LRRC52: variants seen among roughly 807,000 people sequenced by gnomAD.
LRRC52 encodes leucine-rich repeat-containing protein 52.
In LRRC52, 15 loss-of-function variants were observed where a neutral mutation model predicts 14.7. That is an observed-to-expected ratio of 1.02 (90% confidence interval 0.68 to 1.58). LRRC52 has a LOEUF of 1.58. LRRC52 is among the 40% of genes most tolerant of loss of function. LRRC52 has a pLI of 0.00. For missense variants in LRRC52, 400 were observed against 387.7 expected (o/e 1.03, Z -0.27); for synonymous variants, 180 against 163.9 (o/e 1.10, Z -0.75).
At chr1:165,553,889 A>G (rs1661184151) in intron 1 of LRRC52, among the ~76,000 whole-genome samples, 1 of 152,208 alleles carries the variant, frequency 6.6e-6, no homozygotes, top group Non-Finnish European at 1.5e-5. Flanking sequence ...ATTTTCATGT[A>G]ATGTTTTCTA....
rs947521099 is a variant in LRRC52, at chr1:165,563,406, G to A, written c.623-99G>A. The A allele has an allele frequency of 6.8e-6, 7 of 1,025,710 alleles. No individual in the cohort carries two copies. In the East Asian group the frequency reaches 1.6e-4, roughly 23 times the overall value. The allele number at this position is 1,025,710 out of a possible 1,614,324, so 63.5% of individuals were successfully genotyped here. A position where few individuals can be genotyped will look rare whatever the true frequency, so the allele number is the denominator to read the frequency against. ...TGCTGGCCCACAGACCACACTTGGA[G>A]CACTGAGGGTGCAGATGGTCCCTCC... On this transcript the variant is annotated intron_variant, in intron 1 of 1. Transcript: ENST00000294818.
intron 1 of LRRC52, among the ~76,000 whole-genome samples, chr1:165,555,794 G>A (rs1314064777): frequency 6.6e-6 from 1 of 152,246 alleles, no homozygotes; most frequent in African/African-American, 2.4e-5. Flanking sequence ...TTTCTGCCTG[G>A]TGAACTGGTG....
In LRRC52 at chr1:165,544,691, T is replaced by C; in HGVS notation, c.395T>C (p.Ile132Thr). 6.2e-7 allele frequency: 1 copy of C among 1,614,070 alleles called. No individual in the cohort carries two copies. The highest frequency in any genetic ancestry group is 8.5e-7 in the Non-Finnish European group (1 of 1,180,026). ...SVLSNLVQLN[I>T]ANNPHLLSLH... is the part of the protein sequence containing the mutation. The stretch of plus-strand genomic sequence containing the variant: ...CTCAGCAACCTGGTGCAGCTGAACA[T>C]TGCCAACAACCCTCACCTGTTATCG... The change falls in exon 1 of 2, where the codon ATT (isoleucine) becomes ACT (threonine). Residue 132 changes from isoleucine (I) to threonine (T), a missense_variant. Transcript: ENST00000294818.
At position 165,544,201 on chromosome 1, in the gene LRRC52, G is replaced by A. The variant is rs923846464; in HGVS notation, c.-96G>A. 3.2e-5 allele frequency: 40 copies of A among 1,236,358 alleles called. 2 individuals carry two copies. The highest frequency in any genetic ancestry group is 4.1e-5 in the Non-Finnish European group (37 of 892,794). 76.6% of individuals were successfully genotyped at this position (1,236,358 alleles called of 1,614,324 possible). A position where few individuals can be genotyped will look rare whatever the true frequency, so the allele number is the denominator to read the frequency against. On this transcript the variant is annotated 5_prime_UTR_variant, in exon 1 of 2. Transcript: ENST00000294818. ...AGCTAAAGTGTTACAGTTCTTTCCA[G>A]AGCCCCTCCCCCGCCCCACCCCCCC...
intron 1 of LRRC52, among the ~76,000 whole-genome samples, 187 bp from the exon 2 acceptor site, chr1:165,563,318 C>T (rs963419727): frequency 2.6e-5 from 4 of 152,226 alleles, no homozygotes; most frequent in African/African-American, 7.2e-5. Flanking sequence ...GATTTGGATT[C>T]AGGAGGTCAC....
At chr1:165,557,619 C>T (rs1661264855) in intron 1 of LRRC52, among the ~76,000 whole-genome samples, 1 of 152,034 alleles carries the variant, frequency 6.6e-6, no homozygotes, top group African/African-American at 2.4e-5. Context: ...AATCAATTTC[C>T]TTGACAAAAA....
At chr1:165,561,706 A>G (rs1046236988) in intron 1 of LRRC52, among the ~76,000 whole-genome samples, 3 of 152,254 alleles carry the variant, frequency 2.0e-5, no homozygotes, top group Admixed American at 6.5e-5. Flanking sequence ...GATATGACAC[A>G]GTTCGTGCAC....
chr1:165,551,436 C>T (rs1160287742), intron 1 of LRRC52, among the ~76,000 whole-genome samples: 1 of 152,194 alleles, frequency 6.6e-6, no homozygotes, highest in Non-Finnish European at 1.5e-5. Flanking sequence ...CTCTGAGATG[C>T]TAATGGCTAG....
chr1:165,555,345 C>G (rs1224275049), intron 1 of LRRC52, among the ~76,000 whole-genome samples: 1 of 151,772 alleles, frequency 6.6e-6, no homozygotes. Flanking sequence ...AAGGGGAGAA[C>G]GAACACAAAG....
rs886716336 is a variant in LRRC52, at chr1:165,544,060, C to T, written c.-237C>T. 2.6e-5 allele frequency: 15 copies of T among 567,360 alleles called. No individual in the cohort carries two copies. The highest frequency in any genetic ancestry group is 4.3e-5 in the Non-Finnish European group (14 of 322,076). The allele number at this position is 567,360 out of a possible 1,614,324, so 35.1% of individuals were successfully genotyped here. On this transcript the variant is annotated 5_prime_UTR_variant, in exon 1 of 2. Coordinates refer to ENST00000294818, the MANE Select transcript of LRRC52 (RefSeq NM_001005214.4). ...CTTTCAAAGCTGCCAAGTGGGCAAG[C>T]TTCCAGCAGCAGTCTGGGAGCGAGC...
intron 1 of LRRC52, among the ~76,000 whole-genome samples, chr1:165,550,332 T>C (rs544217005): frequency 2.6e-5 from 4 of 152,322 alleles, no homozygotes; most frequent in South Asian, 2.1e-4. Context: ...TGCTGTCCAA[T>C]AGAAGTTTCT....
chr1:165,544,824 G>A lies in LRRC52; in HGVS notation c.528G>A (p.Leu176=), dbSNP rs1199613988. 1.2e-6 allele frequency: 2 copies of A among 1,613,898 alleles called. No individual in the cohort carries two copies. The highest frequency in any genetic ancestry group is 1.1e-5 in the South Asian group (1 of 91,070). The stretch of plus-strand genomic sequence containing the variant: ...CTGCCTTATACCACCTCACTACTCT[G>A]GAGACCCTGTTTCTGAGTGGAAACC... ...DSAALYHLTT[L]ETLFLSGNPW... Residue 176 remains leucine (L), a synonymous_variant, in exon 1 of 2, where the codon CTG becomes CTA. Coordinates refer to ENST00000294818, the MANE Select transcript of LRRC52 (RefSeq NM_001005214.4).
At chr1:165,559,773 A>T (rs988289601) in intron 1 of LRRC52, among the ~76,000 whole-genome samples, 1 of 152,236 alleles carries the variant, frequency 6.6e-6, no homozygotes, top group East Asian at 1.9e-4. Context: ...CAAACTTCTA[A>T]TAAAGATCAA....
chr1:165,547,965 G>A (rs141795493), intron 1 of LRRC52, among the ~76,000 whole-genome samples: 2 of 152,246 alleles, frequency 1.3e-5, no homozygotes, highest in East Asian at 3.9e-4. Flanking sequence ...CTTTGCTATT[G>A]GCAAACATTC....
intron 1 of LRRC52, among the ~76,000 whole-genome samples, chr1:165,554,276 G>T (rs368687793): frequency 6.6e-6 from 1 of 152,134 alleles, no homozygotes; most frequent in African/African-American, 2.4e-5. Context: ...GACGGGTAAA[G>T]CAATGTGGGT....
At chr1:165,558,131 C>T (rs1352404240) in intron 1 of LRRC52, among the ~76,000 whole-genome samples, 2 of 152,246 alleles carry the variant, frequency 1.3e-5, no homozygotes, top group East Asian at 3.8e-4. Flanking sequence ...CACCGTAGTT[C>T]TTCCATGCAT....
At chr1:165,558,348 C>A (rs911750729) in intron 1 of LRRC52, among the ~76,000 whole-genome samples, 7 of 152,188 alleles carry the variant, frequency 4.6e-5, no homozygotes, top group Non-Finnish European at 8.8e-5. Context: ...TTAATGGAAG[C>A]TCCTGGAGTT....
chr1:165,544,216 C>A lies in LRRC52; in HGVS notation c.-81C>A. ...GTTCTTTCCAGAGCCCCTCCCCCGC[C>A]CCACCCCCCCACCGGCAGCCTTCGG... On this transcript the variant is annotated 5_prime_UTR_variant, in exon 1 of 2. Transcript: ENST00000294818. 5 of 1,253,914 alleles carry A rather than the reference C, an allele frequency of 4.0e-6. 1 individual carries two copies. The highest frequency in any genetic ancestry group is 5.4e-6 in the Non-Finnish European group (5 of 918,360). The allele number at this position is 1,253,914 out of a possible 1,614,324, so 77.7% of individuals were successfully genotyped here.
chr1:165,555,374 A>G (rs1472552935), intron 1 of LRRC52, among the ~76,000 whole-genome samples: 1 of 152,232 alleles, frequency 6.6e-6, no homozygotes, highest in African/African-American at 2.4e-5. Flanking sequence ...CTGGAATAGA[A>G]AGGGAATATG....
Sources: gnomAD v4.1 joint callset for allele counts (sites outside exome capture counted in the v4.1 genomes callset) on GRCh38, gnomAD v4.1.1 for gene constraint, MANE v1.5 for transcripts, NCBI Gene and HGNC (gene_info 2026-07-23, HGNC 2026-07-21) for gene names.